The following KCNS1 variants were observed in gnomAD, a reference collection of about 807,000 sequenced individuals.
KCNS1 encodes potassium voltage-gated channel modifier subfamily S member 1.
A neutral mutation model predicts 33.1 loss-of-function variants in KCNS1; 26 were observed. That is an observed-to-expected ratio of 0.79 (90% CI 0.58 to 1.09). The LOEUF (loss-of-function observed/expected upper bound fraction) is 1.09, where lower values mean the gene tolerates loss of function less well. Ranked by LOEUF, KCNS1 falls within the 50% of genes least tolerant of loss-of-function variation. The pLI, the probability that KCNS1 is intolerant of heterozygous loss-of-function variation, is 0.00. For missense variants in KCNS1, 702 were observed against 752.4 expected (o/e 0.93, Z 0.78); for synonymous variants, 299 against 338.8 (o/e 0.88, Z 1.29).
intron 3 of KCNS1, among the ~76,000 whole-genome samples, chr20:45,096,496 C>T (rs1455918323): frequency 6.6e-6 from 1 of 152,166 alleles, no homozygotes; most frequent in Admixed American, 6.5e-5. Flanking sequence ...CCTAGGTCAT[C>T]TGCCAGCACC....
intron 1 of KCNS1, chr20:45,100,335 C>T (rs938299186): frequency 9.2e-5 from 14 of 152,114 alleles, no homozygotes; most frequent in African/African-American, 2.7e-4. Context: ...GATGTAGCTC[C>T]GCTCCCACCT....
In KCNS1 at chr20:45,091,417, G is replaced by A. The variant is rs1328866977; in HGVS notation, c.*3453C>T. Among the ~76,000 whole-genome samples the A allele has an allele frequency of 6.6e-6, 1 of 152,162 alleles. No homozygotes were observed. Among genetic ancestry groups the A allele is most frequent in the East Asian group, 1.9e-4 (1 of 5,190 alleles). On this transcript the variant is annotated 3_prime_UTR_variant, in exon 4 of 4. Transcript: ENST00000537075. ...CTGGAGGCAGATCATGTGGGTAGCA[G>A]TGTCTTAAACAGAAGGTTCATGAGT...
rs765845606 is a variant in KCNS1, at chr20:45,095,158, C to CG, written c.1292dup (p.Val432GlyfsTer52). 1 of 1,614,086 alleles carries CG rather than the reference C, an allele frequency of 6.2e-7. No homozygotes were observed. The highest frequency in any genetic ancestry group is 1.1e-5 in the South Asian group (1 of 91,072). ...CTGAGGCTGCCAGCTTGCCAGCCAC[C>CG]GTCACTGGCACCACATCCCCATAGC... is the stretch of plus-strand genomic sequence containing the variant. On this transcript the variant is annotated frameshift_variant, in exon 4 of 4. Transcript: ENST00000537075. LOFTEE classifies it high-confidence loss of function.
rs778207408 is a variant in KCNS1 at position 45,097,867 on chromosome 20, CAGA to C, written c.902_904del (p.Phe301del). The C allele has an allele frequency of 1.0e-4, 167 of 1,612,820 alleles. No homozygotes were observed. The highest frequency in any genetic ancestry group is 2.9e-4 in the South Asian group (26 of 90,942). ...AATGTCGATGAGGTTGAGCGGGTGG[CAGA>C]AGAAGTTGCGCGTACTGGGCGCCAG... On this transcript the variant is annotated inframe_deletion, in exon 3 of 4. Coordinates refer to ENST00000537075, the MANE Select transcript of KCNS1 (RefSeq NM_001322799.2).
rs1379451602 is a variant in KCNS1, at chr20:45,095,031, C to T, written c.1420G>A (p.Val474Met). The T allele has an allele frequency of 3.1e-6, 5 of 1,613,606 alleles. No individual in the cohort carries two copies. The highest frequency in any genetic ancestry group is 2.2e-5 in the South Asian group (2 of 91,050). The change falls in exon 4 of 4, where the codon GTG becomes ATG. Residue 474 changes from valine (V) to methionine (M), a missense_variant. Physicochemically the swap from Val to Met is conservative, Grantham distance 21. Coordinates refer to ENST00000537075, the MANE Select transcript of KCNS1 (RefSeq NM_001322799.2). ...AACTCTTGGTGGTTGCTGTTGCGCA[C>T]GGCTGCCTCCAGAGCCTTCTGGCGC... The part of the protein sequence containing the change: ...YRRQKALEAA[V>M]RNSNHQEFED...
chr20:45,096,930 C>T (rs1981202674), intron 3 of KCNS1, among the ~76,000 whole-genome samples: 1 of 152,250 alleles, frequency 6.6e-6, no homozygotes, highest in South Asian at 2.1e-4. Context: ...CTCCAGGCCT[C>T]GGCACACGCC....
At chr20:45,097,578 C>T in intron 3 of KCNS1, 84 bp downstream of exon 3, 1 of 1,348,292 alleles carries the variant, frequency 7.4e-7, no homozygotes, top group Admixed American at 2.1e-5. Context: ...AGCCTGGACT[C>T]GGCAGGCTTG....
At position 45,093,049 on chromosome 20, in the gene KCNS1, T is replaced by C. The variant is rs767979301; in HGVS notation, c.*1821A>G. The C allele has an allele frequency of 2.0e-5, 3 of 152,050 alleles. No homozygotes were observed. The highest frequency in any genetic ancestry group is 4.4e-5 in the Non-Finnish European group (3 of 68,008). The allele number at this position is 152,050 out of a possible 1,614,324, so 9.4% of individuals were successfully genotyped here. A position where few individuals can be genotyped will look rare whatever the true frequency, so the allele number is the denominator to read the frequency against. ...AGCCCATAAGTCAGAAGCCAGTATA[T>C]CAGAGTGGCTGGGCATAACACAACG... On this transcript the variant is annotated 3_prime_UTR_variant, in exon 4 of 4. Transcript: ENST00000537075.
intron 1 of KCNS1, 112 bp from the exon 2 acceptor site, chr20:45,099,351 G>A (rs962273612): frequency 3.0e-6 from 2 of 677,252 alleles, no homozygotes; most frequent in Admixed American, 2.1e-5. Flanking sequence ...AAAGTGATTC[G>A]GCTACATAGT....
At position 45,097,978 on chromosome 20, in the gene KCNS1, C is replaced by T. The variant is rs766314841; in HGVS notation, c.794G>A (p.Gly265Asp). Residue 265 changes from glycine to aspartate, a missense_variant, in exon 3 of 4, where the codon GGC (glycine) becomes GAC (aspartate). By Grantham distance (94) the Gly-to-Asp change is moderately conservative. Transcript: ENST00000537075. ...TCGCAGCACCGGGTCGTCGCGCACGCCTTCCGGGCTGCGGCCCGCGGCCAC... is the reference window on the plus strand; with the variant it reads ...TCGCAGCACCGGGTCGTCGCGCACGTCTTCCGGGCTGCGGCCCGCGGCCAC... ...AAVAAGRSPE[G>D]VRDDPVLRRL... The T allele has an allele frequency of 5.2e-6, 8 of 1,546,184 alleles. No individual in the cohort carries two copies. Among genetic ancestry groups the T allele is most frequent in the Non-Finnish European group, 7.0e-6 (8 of 1,146,300 alleles).
At position 45,098,488 on chromosome 20, in the gene KCNS1, TA is replaced by T; in HGVS notation, c.283del (p.Tyr95ThrfsTer18). 6.4e-7 allele frequency: 1 copy of T among 1,555,128 alleles called. No individual in the cohort carries two copies. Among genetic ancestry groups the T allele is most frequent in the Non-Finnish European group, 8.7e-7 (1 of 1,151,004 alleles). Reference protein sequence around the residue: ...EEQARRLCDDYDEAAREFYFD... With the variant: ...EEQARRLCDDXDEAAREFYFD... ...GTAGAATTCGCGCGCCGCCTCGTCG[TA>T]GTCGTCGCACAGGCGCCGCGCCTGC... On this transcript the variant is annotated frameshift_variant, in exon 3 of 4. Transcript: ENST00000537075. LOFTEE classifies it high-confidence loss of function. This position sits in a 1 kb window ranked among gnomAD's most constrained non-coding sequence, Gnocchi z 5.2.
In KCNS1 at chr20:45,095,173, A is replaced by T. The variant is rs756765029; in HGVS notation, c.1278T>A (p.Asp426Glu). ...TVSMTTVGYGDVVPVTVAGKL... is the reference protein window; with the variant it reads ...TVSMTTVGYGEVVPVTVAGKL... ...TGCCAGCCACCGTCACTGGCACCAC[A>T]TCCCCATAGCCCACGGTGGTCATGC... The change falls in exon 4 of 4, where the codon GAT becomes GAA. Residue 426 changes from aspartate (D) to glutamate (E), a missense_variant. Around this residue, in one of 3 missense-constraint regions of KCNS1, gnomAD observed 253 missense variants for 327.4 expected, o/e 0.77. Coordinates refer to ENST00000537075, the MANE Select transcript of KCNS1 (RefSeq NM_001322799.2). The T allele has an allele frequency of 6.2e-7, 1 of 1,614,100 alleles. No individual in the cohort carries two copies. Among genetic ancestry groups the T allele is most frequent in the Non-Finnish European group, 8.5e-7 (1 of 1,180,014 alleles).
At chr20:45,097,515 C>G (rs1981220349) in intron 3 of KCNS1, 147 bp downstream of exon 3, 1 of 749,190 alleles carries the variant, frequency 1.3e-6, no homozygotes, top group African/African-American at 1.7e-5. Context: ...AAACGTACAC[C>G]TGGTGTGCAG....
At position 45,101,124 on chromosome 20, in the gene KCNS1, T is replaced by C. The variant is rs1194758375; in HGVS notation, c.-207A>G. On this transcript the variant is annotated 5_prime_UTR_variant, in exon 1 of 4. Transcript: ENST00000537075. ...CATCGATCGCTGCCGGAGGAGGGAGTGAGGCCGCTGGCGGCCGGAGGCGGC... is the reference window on the plus strand; with the variant it reads ...CATCGATCGCTGCCGGAGGAGGGAGCGAGGCCGCTGGCGGCCGGAGGCGGC... 1 of 152,278 alleles carries C rather than the reference T, an allele frequency of 6.6e-6. No individual in the cohort carries two copies. The highest frequency in any genetic ancestry group is 2.4e-5 in the African/African-American group (1 of 41,390). The allele number at this position is 152,278 out of a possible 1,614,324, so 9.4% of individuals were successfully genotyped here.
Position 45,094,683 on chromosome 20 carries a change from T to C in KCNS1, c.*187A>G. The C allele has an allele frequency of 1.7e-6, 1 of 592,334 alleles. No homozygotes were observed. Among genetic ancestry groups the C allele is most frequent in the Non-Finnish European group, 3.0e-6 (1 of 337,238 alleles). 36.7% of individuals were successfully genotyped at this position (592,334 alleles called of 1,614,324 possible). A position where few individuals can be genotyped will look rare whatever the true frequency, so the allele number is the denominator to read the frequency against. On this transcript the variant is annotated 3_prime_UTR_variant, in exon 4 of 4. Coordinates refer to ENST00000537075, the MANE Select transcript of KCNS1 (RefSeq NM_001322799.2). ...GGTTTATAAAGCTTTCTGAGTTGCT[T>C]GCAGAATCTCACAGAATCTAGGGTA...
In KCNS1 at chr20:45,098,452, T is replaced by C; in HGVS notation, c.320A>G (p.His107Arg). ...CAGCAGGCTCAGGAAGAAGCCCGGG[T>C]GCCGGTCGAAGTAGAATTCGCGCGC... ...EAAREFYFDRHPGFFLSLLHF... is the reference protein window; with the variant it reads ...EAAREFYFDRRPGFFLSLLHF... Residue 107 changes from histidine to arginine, a missense_variant, in exon 3 of 4, where the codon CAC becomes CGC. Transcript: ENST00000537075. This position sits in a 1 kb window ranked among gnomAD's most constrained non-coding sequence, Gnocchi z 5.2. 1 of 1,587,258 alleles carries C rather than the reference T, an allele frequency of 6.3e-7. No homozygotes were observed.
chr20:45,097,408 AAGAC>A (rs1178574738), intron 3 of KCNS1, among the ~76,000 whole-genome samples: 4 of 152,246 alleles, frequency 2.6e-5, no homozygotes, highest in Admixed American at 6.5e-5. Context: ...TTGAAAAAGA[AAGAC>A]AAGCAAAGCT....
intron 3 of KCNS1, among the ~76,000 whole-genome samples, chr20:45,096,939 C>T (rs1449482444): frequency 2.0e-5 from 3 of 152,252 alleles, no homozygotes; most frequent in African/African-American, 7.2e-5. Flanking sequence ...TCGGCACACG[C>T]CGTTCGCCTT....
rs961687256 is a variant in KCNS1, at chr20:45,100,940, G to A, written c.-23C>T. 6.6e-6 allele frequency: 1 copy of A among 152,364 alleles called. No homozygotes were observed. Among genetic ancestry groups the A allele is most frequent in the Non-Finnish European group, 1.5e-5 (1 of 68,140 alleles). The allele number at this position is 152,364 out of a possible 1,614,324, so 9.4% of individuals were successfully genotyped here. A position where few individuals can be genotyped will look rare whatever the true frequency, so the allele number is the denominator to read the frequency against. ...CCTTACCTGTGGTGGCACCTCCCGG[G>A]CGCCTCGCGTGTCTGTCCCAAAGCC... On this transcript the variant is annotated 5_prime_UTR_variant, in exon 1 of 4. Transcript: ENST00000537075.
Sources: allele counts gnomAD v4.1 joint callset (sites outside exome capture counted in the v4.1 genomes callset), GRCh38; gene constraint gnomAD v4.1.1; regional missense constraint gnomAD v4.1.1; non-coding constraint Gnocchi (gnomAD v3.1); transcripts MANE v1.5; gene names NCBI Gene and HGNC (gene_info 2026-07-23, HGNC 2026-07-21).